Variants in CDH13 observed in about 807,000 individuals in gnomAD.
The protein encoded by CDH13 is cadherin 13.
Under a neutral mutation model 63.8 loss-of-function variants are expected in CDH13, and 24 were observed. The observed-to-expected ratio is 0.38, with a 90% CI of 0.27 to 0.53. The LOEUF (loss-of-function observed/expected upper bound fraction) is 0.53, where lower values mean the gene tolerates loss of function less well. Among genes scored for constraint, CDH13 ranks in the 20% least tolerant of loss-of-function variants. The pLI, the probability that CDH13 is intolerant of heterozygous loss-of-function variation, is 0.85. For missense variants in CDH13, 1,049 were observed against 903.1 expected (o/e 1.16, Z -2.07); for synonymous variants, 503 against 355.3 (o/e 1.42, Z -4.67).
chr16:83,323,366 C>G (rs540736032), intron 5 of CDH13, among the ~76,000 whole-genome samples: 1 of 151,260 alleles, frequency 6.6e-6, no homozygotes, highest in Non-Finnish European at 1.5e-5. Context: ...AGCTCTGACC[C>G]GCCTCCTGGG....
intron 10 of CDH13, among the ~76,000 whole-genome samples, chr16:83,688,909 T>G (rs890062204): frequency 6.6e-6 from 1 of 152,198 alleles, no homozygotes; most frequent in African/African-American, 2.4e-5. Flanking sequence ...TTTTAAAGTT[T>G]TAAGGGCTTC....
At chr16:83,361,648 C>G (rs1002804160) in intron 6 of CDH13, among the ~76,000 whole-genome samples, 15 of 152,256 alleles carry the variant, frequency 9.9e-5, no homozygotes, top group East Asian at 1.9e-4. Flanking sequence ...CTGAATATGG[C>G]TATCCAGGTA....
intron 6 of CDH13, among the ~76,000 whole-genome samples, chr16:83,389,941 A>T (rs1291696021): frequency 6.6e-6 from 1 of 152,218 alleles, no homozygotes; most frequent in East Asian, 1.9e-4. Context: ...GCTTTAACTA[A>T]TGGGATCTGA....
intron 5 of CDH13, among the ~76,000 whole-genome samples, chr16:83,342,467 C>T (rs2090746637): frequency 6.6e-6 from 1 of 152,276 alleles, no homozygotes; most frequent in East Asian, 1.9e-4. Context: ...TTTTTAGAGA[C>T]CATTCCAAAG....
chr16:83,669,198 C>G (rs773606658), intron 8 of CDH13, among the ~76,000 whole-genome samples: 3 of 152,146 alleles, frequency 2.0e-5, no homozygotes, highest in Admixed American at 2.0e-4. Context: ...ATCTCCCATG[C>G]GCTCCAACCT....
intron 4 of CDH13, among the ~76,000 whole-genome samples, chr16:83,160,580 T>C (rs906660536): frequency 1.3e-5 from 2 of 152,210 alleles, no homozygotes; most frequent in African/African-American, 4.8e-5. Flanking sequence ...GGTGCTCGTG[T>C]GGCCTTCCAA....
intron 10 of CDH13, among the ~76,000 whole-genome samples, chr16:83,708,857 C>G (rs1342367693): frequency 6.6e-6 from 1 of 151,966 alleles, no homozygotes; most frequent in African/African-American, 2.4e-5. Flanking sequence ...AAACCTATCT[C>G]TACTAAAAAT....
intron 2 of CDH13, among the ~76,000 whole-genome samples, chr16:82,982,765 G>A (rs989787957): frequency 6.6e-6 from 1 of 152,178 alleles, no homozygotes; most frequent in African/African-American, 2.4e-5. Context: ...AACTAATTCT[G>A]TTCCTTGTCC....
chr16:83,249,676 G>C (rs372655406), intron 5 of CDH13, among the ~76,000 whole-genome samples: 2 of 152,184 alleles, frequency 1.3e-5, no homozygotes, highest in East Asian at 1.9e-4. Context: ...CTGGCTGGGG[G>C]TATTTTTCCC....
intron 1 of CDH13, among the ~76,000 whole-genome samples, chr16:82,710,552 AAT>A (rs1555537840): frequency 0.018 from 1,166 of 63,744 alleles, 46 homozygotes; most frequent in African/African-American, 0.057. Flanking sequence ...AAAAAAAAAA[AAT>A]ATATATATAT....
chr16:82,890,726 A>C (rs763674850), intron 2 of CDH13, among the ~76,000 whole-genome samples: 2 of 147,096 alleles, frequency 1.4e-5, no homozygotes, highest in Non-Finnish European at 3.0e-5. Context: ...ATCTTGGCTC[A>C]CTGCAACCTC....
At chr16:83,217,664 C>T (rs533053522) in intron 5 of CDH13, among the ~76,000 whole-genome samples, 167 bp downstream of exon 5, 1 of 152,196 alleles carries the variant, frequency 6.6e-6, no homozygotes, top group African/African-American at 2.4e-5. Context: ...CCTGACAGGG[C>T]AACAGTGGGG....
At chr16:83,135,842 T>G (rs1273474990) in intron 4 of CDH13, among the ~76,000 whole-genome samples, 1 of 152,160 alleles carries the variant, frequency 6.6e-6, no homozygotes, top group Non-Finnish European at 1.5e-5. Flanking sequence ...TACTCAGCCA[T>G]CCAAAGGAAT....
At chr16:83,636,121 G>T (rs1002868368) in intron 8 of CDH13, among the ~76,000 whole-genome samples, 1 of 151,392 alleles carries the variant, frequency 6.6e-6, no homozygotes, top group African/African-American at 2.4e-5. Flanking sequence ...AATCATGTGG[G>T]TGCAGGTGTA....
rs1172812721 is a variant in CDH13 at position 83,429,006 on chromosome 16, T to G, written c.782-57471T>G. Among the ~76,000 whole-genome samples, 4 of 152,232 alleles carry G rather than the reference T, an allele frequency of 2.6e-5. No individual in the cohort carries two copies. In the East Asian group the frequency reaches 7.7e-4, roughly 29 times the overall value. On this transcript the variant is annotated intron_variant, in intron 6 of 13. Coordinates refer to ENST00000567109, the MANE Select transcript of CDH13 (RefSeq NM_001257.5). ...CAAATATCTTCTCTCATCCGTTTCC[T>G]AGGGGGAAGTATCTTCTTTTCTTGT... is the stretch of plus-strand genomic sequence containing the variant.
intron 1 of CDH13, among the ~76,000 whole-genome samples, chr16:82,656,198 G>C (rs192291614): frequency 1.3e-5 from 2 of 152,210 alleles, no homozygotes. Flanking sequence ...GGGAGTGGGG[G>C]CTTCAAGCAG....
chr16:83,090,842 T>G (rs1464408692), intron 3 of CDH13, among the ~76,000 whole-genome samples: 1 of 152,068 alleles, frequency 6.6e-6, no homozygotes, highest in Non-Finnish European at 1.5e-5. Flanking sequence ...AAACATACGC[T>G]TTTTAAGCTG....
intron 5 of CDH13, among the ~76,000 whole-genome samples, chr16:83,220,585 A>G (rs961809727): frequency 2.0e-5 from 3 of 151,620 alleles, no homozygotes; most frequent in East Asian, 3.9e-4. Context: ...CACATGTACC[A>G]TAGAACTTAA....
intron 3 of CDH13, among the ~76,000 whole-genome samples, chr16:83,052,355 C>T (rs2030430459): frequency 6.6e-6 from 1 of 152,202 alleles, no homozygotes; most frequent in Non-Finnish European, 1.5e-5. Context: ...AATTCAGGTT[C>T]ATATATTTTC....
Sources: gnomAD v4.1 joint callset for allele counts (sites outside exome capture counted in the v4.1 genomes callset) on GRCh38, gnomAD v4.1.1 for gene constraint, MANE v1.5 for transcripts, NCBI Gene and HGNC (gene_info 2026-07-23, HGNC 2026-07-21) for gene names.